The following MLXIP variants were observed in gnomAD, a reference collection of about 807,000 sequenced individuals.
MLXIP encodes the protein MLX interacting protein, also known as MLX-interacting protein.
In MLXIP, 30 loss-of-function variants were observed where a neutral mutation model predicts 87.2. That is an observed-to-expected ratio of 0.34 (90% CI 0.26 to 0.47). MLXIP has a LOEUF of 0.47. MLXIP is among the 20% of genes least tolerant of loss of function. MLXIP has a pLI of 1.00. For missense variants in MLXIP, 1,002 were observed against 1,240.1 expected (o/e 0.81, Z 2.88); for synonymous variants, 530 against 514.0 (o/e 1.03, Z -0.42).
chr12:122,135,204 C>T lies in MLXIP; in HGVS notation c.1733-20C>T. 1 of 1,611,694 alleles carries T rather than the reference C, an allele frequency of 6.2e-7. No individual in the cohort carries two copies. The highest frequency in any genetic ancestry group is 8.5e-7 in the Non-Finnish European group (1 of 1,179,256). ...CCTGTGGCCCAGGGCTGCACCTGAA[C>T]ATCCTCCTTATCCTGGCAGCTGCCT... is the stretch of plus-strand genomic sequence containing the variant. On this transcript the variant is annotated intron_variant, in intron 9 of 16. Transcript: ENST00000319080. The surrounding 1 kb of genome is among the most constrained non-coding windows in gnomAD (Gnocchi z 5.3).
intron 1 of MLXIP, among the ~76,000 whole-genome samples, chr12:122,093,830 AGTGTGTGTGGG>A (rs1195788134): frequency 1.1e-5 from 1 of 91,588 alleles, no homozygotes; most frequent in African/African-American, 4.5e-5. Flanking sequence ...TGTGTGTGTC[AGTGTGTGTGGG>A]GTGTGTGTTT....
Position 122,142,064 on chromosome 12 carries a change from C to A in MLXIP, c.*252C>A. 1 of 676,142 alleles carries A rather than the reference C, an allele frequency of 1.5e-6. No homozygotes were observed. The highest frequency in any genetic ancestry group is 2.6e-6 in the Non-Finnish European group (1 of 377,802). 41.9% of individuals were successfully genotyped at this position (676,142 alleles called of 1,614,324 possible). A position where few individuals can be genotyped will look rare whatever the true frequency, so the allele number is the denominator to read the frequency against. On this transcript the variant is annotated 3_prime_UTR_variant, in exon 17 of 17. Coordinates refer to ENST00000319080, the MANE Select transcript of MLXIP (RefSeq NM_014938.6). ...CAGTGACCTCAGTCACCAACCTCCTCTGCCCTCGGGGCAGCCCACACAAAA... is the reference window on the plus strand; with the variant it reads ...CAGTGACCTCAGTCACCAACCTCCTATGCCCTCGGGGCAGCCCACACAAAA...
In MLXIP at chr12:122,078,788, C is replaced by T. The variant is rs1235799569; in HGVS notation, c.-66C>T. On this transcript the variant is annotated 5_prime_UTR_variant, in exon 1 of 17. Transcript: ENST00000319080. ...GCGCGGGCCGGGCCGGGCCGGCGCC[C>T]CTCTGCCTCGCGCGCTTGTCGCGTT... 17 of 1,025,526 alleles carry T rather than the reference C, an allele frequency of 1.7e-5. No homozygotes were observed. The highest frequency in any genetic ancestry group is 9.4e-4 in the Middle Eastern group (2 of 2,128). The allele number at this position is 1,025,526 out of a possible 1,614,324, so 63.5% of individuals were successfully genotyped here.
chr12:122,083,691 G>A (rs1952124454), intron 1 of MLXIP, among the ~76,000 whole-genome samples: 1 of 152,216 alleles, frequency 6.6e-6, no homozygotes, highest in African/African-American at 2.4e-5. Flanking sequence ...TGGGATTACA[G>A]GCGTGAGCCA....
rs1370421568 is a variant in MLXIP at position 122,078,802 on chromosome 12, G to C, written c.-52G>C. ...GGGCCGGCGCCCCTCTGCCTCGCGC[G>C]CTTGTCGCGTTGCCCCGGGCTCCGG... On this transcript the variant is annotated 5_prime_UTR_variant, in exon 1 of 17. Coordinates refer to ENST00000319080, the MANE Select transcript of MLXIP (RefSeq NM_014938.6). 5.8e-6 allele frequency: 6 copies of C among 1,030,216 alleles called. No homozygotes were observed. Among genetic ancestry groups the C allele is most frequent in the Non-Finnish European group, 5.8e-6 (5 of 860,938 alleles). The allele number at this position is 1,030,216 out of a possible 1,614,324, so 63.8% of individuals were successfully genotyped here.
At chr12:122,084,850 T>G (rs536367521) in intron 1 of MLXIP, among the ~76,000 whole-genome samples, 1 of 152,322 alleles carries the variant, frequency 6.6e-6, no homozygotes, top group African/African-American at 2.4e-5. Flanking sequence ...GCCCGGCCTC[T>G]TAACGTGATC....
At chr12:122,088,045 TG>T (rs1316450672) in intron 1 of MLXIP, among the ~76,000 whole-genome samples, 2 of 152,162 alleles carry the variant, frequency 1.3e-5, no homozygotes, top group Non-Finnish European at 2.9e-5. Context: ...CTCGGCTGCC[TG>T]GGGGCTGCCC....
intron 1 of MLXIP, among the ~76,000 whole-genome samples, chr12:122,121,568 C>T (rs1306509428): frequency 3.9e-5 from 6 of 152,132 alleles, no homozygotes; most frequent in Non-Finnish European, 7.3e-5. Flanking sequence ...CCGTGCCCGG[C>T]CTCTGCCTGC....
chr12:122,101,569 T>TA (rs1285632004), intron 1 of MLXIP, among the ~76,000 whole-genome samples: 178 of 98,200 alleles, frequency 1.8e-3, no homozygotes, highest in African/African-American at 5.4e-3. Flanking sequence ...TTTATTTATT[T>TA]TTTTCTTTTT....
At chr12:122,138,100 C>A in intron 12 of MLXIP, 94 bp from the exon 13 acceptor site, 1 of 1,125,852 alleles carries the variant, frequency 8.9e-7, no homozygotes, top group Non-Finnish European at 1.3e-6. Flanking sequence ...CTAGCCCTGG[C>A]CCTTGGGCAC....
intron 11 of MLXIP, chr12:122,136,272 C>T (rs1953088936): frequency 6.6e-6 from 1 of 152,398 alleles, no homozygotes. Flanking sequence ...CCTCAAATGC[C>T]TGCCATACCA....
chr12:122,110,703 C>G (rs1198800750), intron 1 of MLXIP, among the ~76,000 whole-genome samples: 1 of 151,598 alleles, frequency 6.6e-6, no homozygotes, highest in East Asian at 1.9e-4. Context: ...CCCAGTAGTT[C>G]AAGGCTGCAG....
rs1953213513 is a variant in MLXIP at position 122,141,926 on chromosome 12, C to T, written c.*114C>T. The stretch of plus-strand genomic sequence containing the variant: ...GCTCAGCCTCGGGGCCTCTCTCCAA[C>T]TCTGCCGGCCCACCGTGGCATCGGG... On this transcript the variant is annotated 3_prime_UTR_variant, in exon 17 of 17. Coordinates refer to ENST00000319080, the MANE Select transcript of MLXIP (RefSeq NM_014938.6). The T allele has an allele frequency of 6.7e-7, 1 of 1,484,702 alleles. No homozygotes were observed. Among genetic ancestry groups the T allele is most frequent in the Non-Finnish European group, 9.0e-7 (1 of 1,105,398 alleles). The allele number at this position is 1,484,702 out of a possible 1,614,324, so 92.0% of individuals were successfully genotyped here. A position where few individuals can be genotyped will look rare whatever the true frequency, so the allele number is the denominator to read the frequency against.
At position 122,135,191 on chromosome 12, in the gene MLXIP, G is replaced by T. The variant is rs1365806845; in HGVS notation, c.1733-33G>T. ...GGGTGGGCCAGGCCCTGTGGCCCAG[G>T]GCTGCACCTGAACATCCTCCTTATC... On this transcript the variant is annotated intron_variant, in intron 9 of 16. Transcript: ENST00000319080. This position sits in a 1 kb window ranked among gnomAD's most constrained non-coding sequence, Gnocchi z 5.3. 6.2e-7 allele frequency: 1 copy of T among 1,609,094 alleles called. No homozygotes were observed. The highest frequency in any genetic ancestry group is 1.1e-5 in the South Asian group (1 of 90,162).
chr12:122,082,715 C>T (rs1399944833), intron 1 of MLXIP, among the ~76,000 whole-genome samples: 4 of 152,200 alleles, frequency 2.6e-5, no homozygotes, highest in East Asian at 1.9e-4. Flanking sequence ...TTGATTTGGC[C>T]GGGTGCTTTC....
intron 1 of MLXIP, among the ~76,000 whole-genome samples, chr12:122,093,394 TTATG>T (rs1227651719): frequency 2.3e-5 from 3 of 131,184 alleles, no homozygotes; most frequent in African/African-American, 5.9e-5. Flanking sequence ...GTGTGGGTGG[TTATG>T]TGTGTGGTGT....
intron 1 of MLXIP, among the ~76,000 whole-genome samples, chr12:122,114,552 T>G (rs1437479183): frequency 6.6e-6 from 1 of 152,130 alleles, no homozygotes; most frequent in Non-Finnish European, 1.5e-5. Context: ...CTCTGGAGGT[T>G]GGAACTGATA....
intron 1 of MLXIP, among the ~76,000 whole-genome samples, chr12:122,118,716 T>TA (rs1207838856): frequency 6.6e-6 from 1 of 150,750 alleles, no homozygotes; most frequent in African/African-American, 2.4e-5. Flanking sequence ...GGCGTGGTGG[T>TA]ACACGCCTGT....
intron 1 of MLXIP, among the ~76,000 whole-genome samples, chr12:122,122,768 C>T (rs1258129145): frequency 1.3e-5 from 2 of 151,842 alleles, no homozygotes; most frequent in Non-Finnish European, 2.9e-5. Context: ...AGGATGGTCT[C>T]GATCTCTTGA....
Sources: allele counts gnomAD v4.1 joint callset (sites outside exome capture counted in the v4.1 genomes callset), GRCh38; gene constraint gnomAD v4.1.1; non-coding constraint Gnocchi (gnomAD v3.1); transcripts MANE v1.5; gene names NCBI Gene and HGNC (gene_info 2026-07-23, HGNC 2026-07-21).